CNTNAP2: variants seen among roughly 807,000 people sequenced by gnomAD.
The protein encoded by CNTNAP2 is contactin-associated protein-like 2.
In CNTNAP2, 98 loss-of-function variants were observed where a neutral mutation model predicts 155.2. The ratio of observed to expected loss-of-function variants is 0.63; its 90% CI spans 0.54 to 0.75. The LOEUF (loss-of-function observed/expected upper bound fraction) is 0.75, where lower values mean the gene tolerates loss of function less well. CNTNAP2 is among the 30% of genes least tolerant of loss of function. CNTNAP2 has a pLI of 0.00. For missense variants in CNTNAP2, 1,727 were observed against 1,688.1 expected (o/e 1.02, Z -0.40); for synonymous variants, 651 against 631.2 (o/e 1.03, Z -0.47).
Position 146,912,917 on chromosome 7 carries a change from A to T in CNTNAP2, c.402+73013A>T, listed in dbSNP as rs147384509. ...CACTGCAGTAACATTTGATATACTC[A>T]TATGTTATACGACAAGTAAACATTT... is the stretch of plus-strand genomic sequence containing the variant. On this transcript the variant is annotated intron_variant, in intron 3 of 23. Coordinates refer to ENST00000361727, the MANE Select transcript of CNTNAP2 (RefSeq NM_014141.6). 4.0e-3 allele frequency among the ~76,000 whole-genome samples: 613 copies of T among 152,286 alleles called. 1 individual carries two copies. Among genetic ancestry groups the T allele is most frequent in the Non-Finnish European group, 5.7e-3 (388 of 68,022 alleles).
chr7:146,996,817 C>G (rs975195591), intron 3 of CNTNAP2, among the ~76,000 whole-genome samples: 1 of 152,108 alleles, frequency 6.6e-6, no homozygotes, highest in Non-Finnish European at 1.5e-5. Context: ...TGAATTGTAG[C>G]TTCCGTAATT....
At chr7:148,048,229 G>A (rs1490992328) in intron 15 of CNTNAP2, among the ~76,000 whole-genome samples, 1 of 152,034 alleles carries the variant, frequency 6.6e-6, no homozygotes, top group Admixed American at 6.6e-5. Flanking sequence ...CAGCCACTGG[G>A]TGCCTTACTT....
intron 8 of CNTNAP2, among the ~76,000 whole-genome samples, chr7:147,155,329 A>G (rs1166254477): frequency 6.6e-6 from 1 of 152,150 alleles, no homozygotes; most frequent in Non-Finnish European, 1.5e-5. Context: ...CAACCTTCCT[A>G]ACTGTGAGAA....
chr7:148,244,881 CTAATA>C (rs1203325429), intron 20 of CNTNAP2, among the ~76,000 whole-genome samples: 11 of 151,060 alleles, frequency 7.3e-5, no homozygotes, highest in Non-Finnish European at 1.6e-4. Context: ...TTTTTTTAAT[CTAATA>C]TAACATTTTA....
At chr7:147,401,805 T>G (rs932858739) in intron 10 of CNTNAP2, among the ~76,000 whole-genome samples, 7 of 152,198 alleles carry the variant, frequency 4.6e-5, no homozygotes, top group African/African-American at 7.2e-5. Context: ...TGTGCCTTGC[T>G]TCCCCTTTGC....
intron 21 of CNTNAP2, among the ~76,000 whole-genome samples, chr7:148,289,955 TA>T (rs1362094804): frequency 6.6e-6 from 1 of 152,238 alleles, no homozygotes; most frequent in African/African-American, 2.4e-5. Flanking sequence ...CACATTTTTT[TA>T]AATAGCTTCC....
chr7:147,195,353 G>A (rs538355726), intron 8 of CNTNAP2, among the ~76,000 whole-genome samples: 33 of 152,258 alleles, frequency 2.2e-4, no homozygotes, highest in African/African-American at 6.5e-4. Flanking sequence ...GTTAGGTAGC[G>A]TGATGCCTCC....
intron 4 of CNTNAP2, among the ~76,000 whole-genome samples, chr7:147,048,638 C>T (rs139891621): frequency 1.3e-5 from 2 of 152,248 alleles, no homozygotes; most frequent in Admixed American, 6.5e-5. Context: ...AGCCACTAAC[C>T]ATATGTGGCT....
chr7:147,231,075 C>T (rs906720712), intron 8 of CNTNAP2, among the ~76,000 whole-genome samples: 10 of 152,132 alleles, frequency 6.6e-5, no homozygotes, highest in South Asian at 6.2e-4. Flanking sequence ...GTGAAGCAAG[C>T]GGGAACTGCC....
chr7:146,170,320 C>A (rs2116817592), intron 1 of CNTNAP2, among the ~76,000 whole-genome samples: 1 of 152,256 alleles, frequency 6.6e-6, no homozygotes, highest in South Asian at 2.1e-4. Context: ...GTGACCGTGC[C>A]AGGCACAATA....
At chr7:146,505,782 A>G (rs568303356) in intron 1 of CNTNAP2, among the ~76,000 whole-genome samples, 3 of 152,258 alleles carry the variant, frequency 2.0e-5, no homozygotes, top group East Asian at 3.9e-4. Context: ...ACCTGGTTGG[A>G]GGAAGTCATC....
chr7:147,732,860 C>T (rs1026453709), intron 13 of CNTNAP2, among the ~76,000 whole-genome samples: 114 of 152,248 alleles, frequency 7.5e-4, no homozygotes, highest in African/African-American at 2.3e-3. Context: ...TCATATCCTT[C>T]GCCCACTTGT....
At position 148,378,977 on chromosome 7, in the gene CNTNAP2, G is replaced by A. The variant is rs551345442; in HGVS notation, c.3476-4672G>A. On this transcript the variant is annotated intron_variant, in intron 21 of 23. Transcript: ENST00000361727. ...CCAGAACAGAGGGAAGGAACAGAAT[G>A]GTAGGCAGTGCTTTGGGGCCAGTTG... Among the ~76,000 whole-genome samples, 199 of 67,038 alleles carry A rather than the reference G, an allele frequency of 3.0e-3. 57 individuals are homozygous for A. The highest frequency in any genetic ancestry group is 0.018 in the Middle Eastern group (2 of 112). 44.0% of individuals were successfully genotyped at this position (67,038 alleles called of 152,430 possible). A position where few individuals can be genotyped will look rare whatever the true frequency, so the allele number is the denominator to read the frequency against.
chr7:147,670,464 T>C (rs929886513), intron 13 of CNTNAP2, among the ~76,000 whole-genome samples: 2 of 152,190 alleles, frequency 1.3e-5, no homozygotes, highest in African/African-American at 4.8e-5. Flanking sequence ...ATATTTCCTT[T>C]TCCAAAACCA....
rs139419431 is a variant in CNTNAP2 at position 147,785,515 on chromosome 7, T to G, written c.2099-118050T>G. ...GAGGGACCAGGAAGGACAAAAATGG[T>G]GAAAGCAAGAATAGGGTAAATAAGC... On this transcript the variant is annotated intron_variant, in intron 13 of 23. Transcript: ENST00000361727. 3.6e-3 allele frequency among the ~76,000 whole-genome samples: 548 copies of G among 152,038 alleles called. 7 individuals carry two copies. Among genetic ancestry groups the G allele is most frequent in the African/African-American group, 0.012 (516 of 41,484 alleles).
chr7:146,995,590 T>C (rs1237849268), intron 3 of CNTNAP2, among the ~76,000 whole-genome samples: 4 of 152,128 alleles, frequency 2.6e-5, no homozygotes, highest in African/African-American at 7.2e-5. Flanking sequence ...TGAATAATGA[T>C]ATTGAACATT....
chr7:146,917,324 C>T (rs1394119467), intron 3 of CNTNAP2, among the ~76,000 whole-genome samples: 1 of 152,006 alleles, frequency 6.6e-6, no homozygotes, highest in African/African-American at 2.4e-5. Context: ...CTGTTAAGTC[C>T]ATTTGTTCCA....
chr7:146,832,754 G>T (rs1179919662), intron 2 of CNTNAP2, among the ~76,000 whole-genome samples: 1 of 151,782 alleles, frequency 6.6e-6, no homozygotes, highest in East Asian at 1.9e-4. Context: ...GGAGTACAGT[G>T]GTGCAATCTC....
chr7:148,357,168 G>T (rs1330531222), intron 21 of CNTNAP2, among the ~76,000 whole-genome samples: 2 of 152,098 alleles, frequency 1.3e-5, no homozygotes, highest in African/African-American at 2.4e-5. Context: ...AATCATGGGG[G>T]TGGGTCTTTC....
Sources: allele counts gnomAD v4.1 joint callset (sites outside exome capture counted in the v4.1 genomes callset), GRCh38; gene constraint gnomAD v4.1.1; transcripts MANE v1.5; gene names NCBI Gene and HGNC (gene_info 2026-07-23, HGNC 2026-07-21).